TAPBP: variants seen among roughly 807,000 people sequenced by gnomAD.
TAPBP encodes TAP binding protein, also known as tapasin.
Under a neutral mutation model 45.7 loss-of-function variants are expected in TAPBP, and 38 were observed. The observed-to-expected ratio is 0.83, with a 90% CI of 0.64 to 1.09. The LOEUF is 1.09. Among genes scored for constraint, TAPBP ranks in the 50% least tolerant of loss-of-function variants. The pLI is 0.00. For synonymous variants in TAPBP, 226 were observed against 254.8 expected (o/e 0.89, Z 1.08); for missense variants, 513 against 587.3 (o/e 0.87, Z 1.31).
intron 7 of TAPBP, among the ~76,000 whole-genome samples, chr6:33,302,478 C>G (rs1257576827): frequency 6.6e-6 from 1 of 151,172 alleles, no homozygotes; most frequent in African/African-American, 2.4e-5. Flanking sequence ...GTGTGCACCA[C>G]CATGCCCGGC....
In TAPBP at chr6:33,313,186, C is replaced by A. The variant is rs1769488042; in HGVS notation, c.469+31G>T. The A allele has an allele frequency of 6.3e-7, 1 of 1,588,010 alleles. No individual in the cohort carries two copies. Among genetic ancestry groups the A allele is most frequent in the Non-Finnish European group, 8.6e-7 (1 of 1,161,750 alleles). ...GCTGATCTGGACCCTTAGAATCTAC[C>A]CACCCTTCTCCACCTCCCCTCCCCA... On this transcript the variant is annotated intron_variant, in intron 3 of 7. Transcript: ENST00000434618. This position sits in a 1 kb window ranked among gnomAD's most constrained non-coding sequence, Gnocchi z 7.2.
chr6:33,308,979 A>T (rs1465782371), intron 3 of TAPBP, among the ~76,000 whole-genome samples: 1 of 152,074 alleles, frequency 6.6e-6, no homozygotes, highest in Non-Finnish European at 1.5e-5. Context: ...CTAGCTTCTG[A>T]GGCCTATAAG....
At chr6:33,304,050 A>T in intron 6 of TAPBP, 61 bp from the exon 7 acceptor site, 1 of 1,612,110 alleles carries the variant, frequency 6.2e-7, no homozygotes, top group Non-Finnish European at 8.5e-7. Flanking sequence ...GGGCAGAGGG[A>T]TGGGTGTCAG....
At position 33,305,316 on chromosome 6, in the gene TAPBP, T is replaced by C; in HGVS notation, c.541A>G (p.Ser181Gly). Residue 181 changes from serine to glycine, a missense_variant, in exon 4 of 8, where the codon AGC becomes GGC. Transcript: ENST00000434618. The surrounding 1 kb of genome is among the most constrained non-coding windows in gnomAD (Gnocchi z 4.4). Reference sequence around the variant, plus strand: ...GAGGTGGGGGGCATGTAGGCAAAGCTCAAGTCCAGCAGAGCATCTTGTCCC... The same window carrying C: ...GAGGTGGGGGGCATGTAGGCAAAGCCCAAGTCCAGCAGAGCATCTTGTCCC... ...RLGQDALLDL[S>G]FAYMPPTSEA... 1 of 1,563,048 alleles carries C rather than the reference T, an allele frequency of 6.4e-7. No homozygotes were observed.
In TAPBP at chr6:33,301,755, T is replaced by G. The variant is rs754949641; in HGVS notation, c.*5A>C. 6 of 1,613,124 alleles carry G rather than the reference T, an allele frequency of 3.7e-6. No homozygotes were observed. The Admixed American group carries it at 1.0e-4, about 27-fold the overall frequency. ...GTGGCTTCCACAGGATGGCAGTGAGTGCCCTCACTCTGCTTTCTGGAAGAG... is the reference window on the plus strand; with the variant it reads ...GTGGCTTCCACAGGATGGCAGTGAGGGCCCTCACTCTGCTTTCTGGAAGAG... On this transcript the variant is annotated 3_prime_UTR_variant, in exon 8 of 8. Transcript: ENST00000434618.
intron 3 of TAPBP, among the ~76,000 whole-genome samples, chr6:33,306,978 CAA>C (rs553964427): frequency 4.0e-5 from 5 of 126,310 alleles, no homozygotes; most frequent in Non-Finnish European, 3.4e-5. Flanking sequence ...AACCCCGTTT[CAA>C]AAAAAAAAAA....
At position 33,304,483 on chromosome 6, in the gene TAPBP, T is replaced by C. The variant is rs757203760; in HGVS notation, c.1024A>G (p.Lys342Glu). The C allele has an allele frequency of 3.1e-6, 5 of 1,613,046 alleles. No homozygotes were observed. The highest frequency in any genetic ancestry group is 3.4e-6 in the Non-Finnish European group (4 of 1,179,602). Reference protein sequence around the residue: ...LRGGPGGRSQKAEGQRWLSAL... With the variant: ...LRGGPGGRSQEAEGQRWLSAL... ...GAGAGCCACCTCTGCCCCTCGGCCT[T>C]CTGAGAGCGGCCCCCTGGGCCACCC... The change falls in exon 5 of 8, where the codon AAG becomes GAG. Residue 342 changes from lysine (K) to glutamate (E), a missense_variant. Lys to Glu is a moderately conservative substitution (Grantham distance 56). Transcript: ENST00000434618.
In TAPBP at chr6:33,301,629, A is replaced by AAG; in HGVS notation, c.*130_*131insCT. 1 of 781,318 alleles carries AAG rather than the reference A, an allele frequency of 1.3e-6. No homozygotes were observed. Among genetic ancestry groups the AAG allele is most frequent in the Non-Finnish European group, 2.1e-6 (1 of 478,040 alleles). The allele number at this position is 781,318 out of a possible 1,614,324, so 48.4% of individuals were successfully genotyped here. ...TATATAAGTGAAAGAAAAAAAAAAA[A>AAG]GCATTCCAGCCACTCAGTGGAGAGA... On this transcript the variant is annotated 3_prime_UTR_variant, in exon 8 of 8. Coordinates refer to ENST00000434618, the MANE Select transcript of TAPBP (RefSeq NM_003190.5).
chr6:33,305,083 C>T lies in TAPBP; in HGVS notation c.774G>A (p.Leu258=). ...GPWTGNGTFW[L]PTVQPFQEGT... ...CCTCCTGAAAGGGTTGAACTGTAGG[C>T]AGCCAGAAGGTCCCATTTCCGGTCC... The change falls in exon 4 of 8, where the codon CTG becomes CTA. Residue 258 remains leucine (L), a synonymous_variant. Coordinates refer to ENST00000434618, the MANE Select transcript of TAPBP (RefSeq NM_003190.5). The surrounding 1 kb of genome is among the most constrained non-coding windows in gnomAD (Gnocchi z 4.4). 6.2e-7 allele frequency: 1 copy of T among 1,614,190 alleles called. No homozygotes were observed.
chr6:33,301,759 C>G lies in TAPBP; in HGVS notation c.*1G>C. On this transcript the variant is annotated 3_prime_UTR_variant, in exon 8 of 8. Transcript: ENST00000434618. ...CTTCCACAGGATGGCAGTGAGTGCC[C>G]TCACTCTGCTTTCTGGAAGAGAGGA... 2 of 1,614,004 alleles carry G rather than the reference C, an allele frequency of 1.2e-6. No homozygotes were observed. The highest frequency in any genetic ancestry group is 2.2e-5 in the South Asian group (2 of 91,082).
At chr6:33,303,693 T>C (rs1768736341) in intron 7 of TAPBP, 2 of 1,503,118 alleles carry the variant, frequency 1.3e-6, no homozygotes, top group South Asian at 2.5e-5. Flanking sequence ...TAAATTTACA[T>C]ATGTGGCTTG....
intron 5 of TAPBP, 35 bp from the exon 6 acceptor site, chr6:33,304,252 C>T: frequency 6.2e-7 from 1 of 1,608,796 alleles, no homozygotes; most frequent in Non-Finnish European, 8.5e-7. Flanking sequence ...GAGCTCCTGT[C>T]TTCCTGGGTG....
intron 7 of TAPBP, chr6:33,303,500 T>C: frequency 2.0e-6 from 1 of 489,894 alleles, no homozygotes; most frequent in Non-Finnish European, 3.6e-6. Context: ...TAGATTTGGG[T>C]CTGATCCCAA....
intron 3 of TAPBP, among the ~76,000 whole-genome samples, chr6:33,310,364 G>T (rs1407975797): frequency 2.0e-5 from 3 of 151,342 alleles, no homozygotes; most frequent in African/African-American, 7.3e-5. Flanking sequence ...AAATTAGCTG[G>T]GCCTGGTGGT....
At position 33,313,019 on chromosome 6, in the gene TAPBP, T is replaced by TTG; in HGVS notation, c.469+197_469+198insCA. ...CTGCCAAGCTGCAGTTTTTTTTTTG[T>TTG]TTTTTTTTTTTAACTGGGTGAGGGC... is the stretch of plus-strand genomic sequence containing the variant. On this transcript the variant is annotated intron_variant, in intron 3 of 7. Coordinates refer to ENST00000434618, the MANE Select transcript of TAPBP (RefSeq NM_003190.5). The surrounding 1 kb of genome is among the most constrained non-coding windows in gnomAD (Gnocchi z 7.2). 1 of 98,144 alleles carries TTG rather than the reference T, an allele frequency of 1.0e-5. No homozygotes were observed. Among genetic ancestry groups the TTG allele is most frequent in the Non-Finnish European group, 1.9e-5 (1 of 53,594 alleles). 6.1% of individuals were successfully genotyped at this position (98,144 alleles called of 1,614,324 possible).
Position 33,305,513 on chromosome 6 carries a change from T to G in TAPBP, c.470-126A>C. ...GTTTACCCACCCCTCAGAGGACACC[T>G]TTTCTGATACTCACCATTTCCTAGC... On this transcript the variant is annotated intron_variant, in intron 3 of 7. Transcript: ENST00000434618. The surrounding 1 kb of genome is among the most constrained non-coding windows in gnomAD (Gnocchi z 4.4). 2 of 1,067,544 alleles carry G rather than the reference T, an allele frequency of 1.9e-6. No individual in the cohort carries two copies. The highest frequency in any genetic ancestry group is 2.6e-6 in the Non-Finnish European group (2 of 767,798). 66.1% of individuals were successfully genotyped at this position (1,067,544 alleles called of 1,614,324 possible). A position where few individuals can be genotyped will look rare whatever the true frequency, so the allele number is the denominator to read the frequency against.
Position 33,313,541 on chromosome 6 carries a change from C to T in TAPBP, c.209-64G>A, listed in dbSNP as rs1231512676. 1 of 1,508,388 alleles carries T rather than the reference C, an allele frequency of 6.6e-7. No individual in the cohort carries two copies. The highest frequency in any genetic ancestry group is 1.4e-5 in the African/African-American group (1 of 72,162). The allele number at this position is 1,508,388 out of a possible 1,614,324, so 93.4% of individuals were successfully genotyped here. On this transcript the variant is annotated intron_variant, in intron 2 of 7. Transcript: ENST00000434618. This position sits in a 1 kb window ranked among gnomAD's most constrained non-coding sequence, Gnocchi z 7.2. ...GCCGGGAAAGGGGCTGGAAGGGCAG[C>T]GTTCGGGGAACTTCAAATGCACAGA...
rs1440801314 is a variant in TAPBP, at chr6:33,300,172, G to A, written c.*1588C>T. ...GATGAGCATTGAGAGGAGGTCTGGC[G>A]AGCACCATCTAGGGCTGAAGAACTA... On this transcript the variant is annotated 3_prime_UTR_variant, in exon 8 of 8. Coordinates refer to ENST00000434618, the MANE Select transcript of TAPBP (RefSeq NM_003190.5). 4 of 153,822 alleles carry A rather than the reference G, an allele frequency of 2.6e-5. No homozygotes were observed. The highest frequency in any genetic ancestry group is 5.9e-5 in the Non-Finnish European group (4 of 68,096). 9.5% of individuals were successfully genotyped at this position (153,822 alleles called of 1,614,324 possible).
chr6:33,312,394 A>G (rs943412275), intron 3 of TAPBP, among the ~76,000 whole-genome samples: 1 of 152,134 alleles, frequency 6.6e-6, no homozygotes, highest in Non-Finnish European at 1.5e-5. Context: ...CTGACATAAA[A>G]TCCAGATAGA....
Sources: gnomAD v4.1 joint callset for allele counts (sites outside exome capture counted in the v4.1 genomes callset) on GRCh38, gnomAD v4.1.1 for gene constraint, Gnocchi (gnomAD v3.1) non-coding constraint, MANE v1.5 for transcripts, NCBI Gene and HGNC (gene_info 2026-07-23, HGNC 2026-07-21) for gene names.